The following CNTNAP4 variants were observed in gnomAD, a reference collection of about 807,000 sequenced individuals.
CNTNAP4 encodes the protein contactin-associated protein-like 4.
Under a neutral mutation model 148.4 loss-of-function variants are expected in CNTNAP4, and 98 were observed. The observed-to-expected ratio is 0.66, with a 90% CI of 0.56 to 0.78. The LOEUF is 0.78. CNTNAP4 is among the 30% of genes least tolerant of loss of function. The probability of loss-of-function intolerance (pLI) is 0.00; values close to 1 mark genes in which losing one functional copy is unlikely to be tolerated. For synonymous variants in CNTNAP4, 730 were observed against 565.1 expected (o/e 1.29, Z -4.14); for missense variants, 1,935 against 1,565.6 (o/e 1.24, Z -3.98).
rs1003775234 is a variant in CNTNAP4, at chr16:76,498,629, C to T, written c.2300C>T (p.Thr767Ile). Residue 767 changes from threonine to isoleucine, a missense_variant, in exon 15 of 24, where the codon ACA (threonine) becomes ATA (isoleucine). By Grantham distance (89) the Thr-to-Ile change is moderately conservative. Transcript: ENST00000611870. ...EHLPVTKIVI[T>I]DTGRLHSEAA... ...CTTCCAGTAACTAAGATCGTGATTACAGACACAGGCCGACTGCATTCAGAA... is the reference window on the plus strand; with the variant it reads ...CTTCCAGTAACTAAGATCGTGATTATAGACACAGGCCGACTGCATTCAGAA... 1 of 1,612,694 alleles carries T rather than the reference C, an allele frequency of 6.2e-7. No individual in the cohort carries two copies. Among genetic ancestry groups the T allele is most frequent in the Non-Finnish European group, 8.5e-7 (1 of 1,179,218 alleles).
intron 3 of CNTNAP4, among the ~76,000 whole-genome samples, chr16:76,415,765 T>C (rs776905507): frequency 6.6e-6 from 1 of 151,266 alleles, no homozygotes; most frequent in East Asian, 1.9e-4. Flanking sequence ...TGTAGAGTAT[T>C]TTTACTATTC....
chr16:76,359,451 C>G (rs542330668), intron 3 of CNTNAP4, among the ~76,000 whole-genome samples: 49 of 150,364 alleles, frequency 3.3e-4, no homozygotes, highest in African/African-American at 1.2e-3. Flanking sequence ...CATTTGGTCT[C>G]ACTTTGAATG....
chr16:76,299,365 A>ATTTATGCAGCC (rs1447925209), intron 1 of CNTNAP4, among the ~76,000 whole-genome samples: 2 of 152,250 alleles, frequency 1.3e-5, no homozygotes, highest in African/African-American at 4.8e-5. Flanking sequence ...AAAAGAAGAC[A>ATTTATGCAGCC]TTTATGCAGC....
chr16:76,324,773 G>C (rs1962789980), intron 2 of CNTNAP4, among the ~76,000 whole-genome samples: 1 of 151,968 alleles, frequency 6.6e-6, no homozygotes, highest in African/African-American at 2.4e-5. Context: ...ACCTTTCCTG[G>C]TACTTACTCA....
intron 3 of CNTNAP4, among the ~76,000 whole-genome samples, chr16:76,393,193 TATTCTCAGCCATCG>T (rs2078087689): frequency 1.3e-5 from 2 of 152,172 alleles, no homozygotes; most frequent in Admixed American, 1.3e-4. Context: ...TTGCTATGGT[TATTCTCAGCCATCG>T]ATGATGATTT....
At chr16:76,424,418 A>C (rs797020397) in intron 3 of CNTNAP4, among the ~76,000 whole-genome samples, 11 of 152,284 alleles carry the variant, frequency 7.2e-5, no homozygotes, top group African/African-American at 2.6e-4. Context: ...AAGATCCTCA[A>C]CCAAAGCTGC....
At chr16:76,477,113 A>G (rs1316064658) in intron 11 of CNTNAP4, among the ~76,000 whole-genome samples, 1 of 152,168 alleles carries the variant, frequency 6.6e-6, no homozygotes, top group Non-Finnish European at 1.5e-5. Context: ...GTTCAAGGCT[A>G]CTTAAAATAG....
chr16:76,372,249 C>G (rs886799572), intron 3 of CNTNAP4, among the ~76,000 whole-genome samples: 1 of 150,730 alleles, frequency 6.6e-6, no homozygotes, highest in Admixed American at 6.7e-5. Flanking sequence ...ATGCCATTCT[C>G]CTGCCTCAGC....
intron 1 of CNTNAP4, among the ~76,000 whole-genome samples, chr16:76,285,381 C>T (rs551283735): frequency 2.0e-5 from 3 of 151,894 alleles, no homozygotes; most frequent in South Asian, 2.1e-4. Context: ...TTTTTAATGC[C>T]ATAAGTATTT....
intron 21 of CNTNAP4, among the ~76,000 whole-genome samples, chr16:76,547,260 T>G (rs1347630341): frequency 6.6e-6 from 1 of 152,136 alleles, no homozygotes; most frequent in African/African-American, 2.4e-5. Context: ...GGATCACAAT[T>G]CCACCACATG....
chr16:76,334,208 G>T (rs1234367192), intron 2 of CNTNAP4, among the ~76,000 whole-genome samples: 1 of 147,494 alleles, frequency 6.8e-6, no homozygotes, highest in Non-Finnish European at 1.5e-5. Context: ...ATAATAAACA[G>T]CCTATTCTTT....
intron 13 of CNTNAP4, among the ~76,000 whole-genome samples, chr16:76,492,933 C>T (rs1373806808): frequency 7.0e-6 from 1 of 141,938 alleles, no homozygotes; most frequent in African/African-American, 2.6e-5. Flanking sequence ...CCTTTAAGGC[C>T]AGTTGTGCTT....
In CNTNAP4 at chr16:76,362,380, T is replaced by G. The variant is rs1033028679; in HGVS notation, c.390+6869T>G. Among the ~76,000 whole-genome samples, 5 of 152,298 alleles carry G rather than the reference T, an allele frequency of 3.3e-5. No homozygotes were observed. The East Asian group carries it at 9.7e-4, about 29-fold the overall frequency. On this transcript the variant is annotated intron_variant, in intron 3 of 23. Coordinates refer to ENST00000611870, the MANE Select transcript of CNTNAP4 (RefSeq NM_033401.5). The stretch of plus-strand genomic sequence containing the variant: ...CCCTATCAAAATCCCAGTGGCATTT[T>G]GTTACAGAAATAGAAAAAATATCCT...
At chr16:76,434,266 C>G (rs1167426362) in intron 4 of CNTNAP4, among the ~76,000 whole-genome samples, 1 of 152,014 alleles carries the variant, frequency 6.6e-6, no homozygotes, top group Non-Finnish European at 1.5e-5. Context: ...AAGATTATGA[C>G]ACAAAGCCAC....
At chr16:76,299,136 G>T (rs985651997) in intron 1 of CNTNAP4, among the ~76,000 whole-genome samples, 3 of 152,014 alleles carry the variant, frequency 2.0e-5, no homozygotes, top group African/African-American at 7.2e-5. Flanking sequence ...ACAAAAGCCA[G>T]AATTGACAAA....
chr16:76,318,059 C>T (rs897039563), intron 2 of CNTNAP4, among the ~76,000 whole-genome samples: 4 of 152,162 alleles, frequency 2.6e-5, no homozygotes, highest in African/African-American at 9.7e-5. Flanking sequence ...GAGTCCCTGA[C>T]CCATCAGGGG....
chr16:76,351,573 T>C (rs1039356194), intron 2 of CNTNAP4, among the ~76,000 whole-genome samples: 1 of 152,242 alleles, frequency 6.6e-6, no homozygotes, highest in Non-Finnish European at 1.5e-5. Flanking sequence ...GGCCAACTTA[T>C]CTGGCTGAAA....
intron 3 of CNTNAP4, among the ~76,000 whole-genome samples, chr16:76,415,035 A>T (rs1265380922): frequency 1.3e-5 from 2 of 151,250 alleles, no homozygotes; most frequent in Admixed American, 1.3e-4. Flanking sequence ...AGAAAGAAGA[A>T]TATACAGAAG....
At chr16:76,291,938 C>G (rs1438644617) in intron 1 of CNTNAP4, among the ~76,000 whole-genome samples, 1 of 152,174 alleles carries the variant, frequency 6.6e-6, no homozygotes, top group East Asian at 1.9e-4. Flanking sequence ...GTGCATTTCT[C>G]TTGTGGCTAA....
Sources: gnomAD v4.1 joint callset for allele counts (sites outside exome capture counted in the v4.1 genomes callset) on GRCh38, gnomAD v4.1.1 for gene constraint, MANE v1.5 for transcripts, NCBI Gene and HGNC (gene_info 2026-07-23, HGNC 2026-07-21) for gene names.